Variants in CAST observed in about 807,000 individuals in gnomAD.
CAST encodes calpastatin.
Under a neutral mutation model 119.6 loss-of-function variants are expected in CAST, and 76 were observed. The ratio of observed to expected loss-of-function variants is 0.64; its 90% CI spans 0.53 to 0.77. CAST has a LOEUF of 0.77. Ranked by LOEUF, CAST falls within the 30% of genes least tolerant of loss-of-function variation. CAST has a pLI of 0.00. For missense variants in CAST, 953 were observed against 946.5 expected, an observed-to-expected ratio of 1.01 and a Z score of -0.09; for synonymous variants, 319 against 331.6, an observed-to-expected ratio of 0.96 and a Z score of 0.41.
chr5:96,745,360 G>C (rs1313936243), intron 16 of CAST, among the ~76,000 whole-genome samples: 1 of 152,186 alleles, frequency 6.6e-6, no homozygotes, highest in Non-Finnish European at 1.5e-5. Flanking sequence ...AGTGGGTTTA[G>C]TTACATTTAA....
chr5:96,334,564 G>C, the CAST span, among the ~76,000 whole-genome samples: 4 of 152,162 alleles, frequency 2.6e-5, no homozygotes, highest in Admixed American at 2.0e-4. Context: ...CCCTTTCTCT[G>C]TTCCAGAAAA....
the CAST span, chr5:96,412,204 CT>C: frequency 5.5e-5 from 53 of 961,166 alleles, 3 homozygotes; most frequent in African/African-American, 3.7e-4. Context: ...TTGTAAAGGA[CT>C]TTGTTAAGAA....
the CAST span, among the ~76,000 whole-genome samples, chr5:96,000,999 C>T: frequency 6.6e-6 from 1 of 152,102 alleles, no homozygotes. Context: ...AGTGGATGAA[C>T]ATTGGATTAG....
At position 96,772,630 on chromosome 5, in the gene CAST, A is replaced by C. The variant is rs948764141; in HGVS notation, c.*24-10A>C. 4 of 152,722 alleles carry C rather than the reference A, an allele frequency of 2.6e-5. No homozygotes were observed. Among genetic ancestry groups the C allele is most frequent in the African/African-American group, 9.6e-5 (4 of 41,460 alleles). The allele number at this position is 152,722 out of a possible 1,614,324, so 9.5% of individuals were successfully genotyped here. A position where few individuals can be genotyped will look rare whatever the true frequency, so the allele number is the denominator to read the frequency against. On this transcript the variant is annotated splice_polypyrimidine_tract_variant and intron_variant, in intron 31 of 31. Transcript: ENST00000675179. ...ATGATTCACTGCATTTTTTATTTGAAATTTTTAAGGTATCTGCATGTAAAA... is the reference window on the plus strand; with the variant it reads ...ATGATTCACTGCATTTTTTATTTGACATTTTTAAGGTATCTGCATGTAAAA...
chr5:96,443,100 A>C, the CAST span, among the ~76,000 whole-genome samples: 4 of 152,236 alleles, frequency 2.6e-5, no homozygotes, highest in African/African-American at 4.8e-5. Flanking sequence ...ACTCAATGAA[A>C]ATATGTTTAT....
At chr5:96,671,871 C>A (rs1750122925) in intron 1 of CAST, among the ~76,000 whole-genome samples, 1 of 152,164 alleles carries the variant, frequency 6.6e-6, no homozygotes, top group South Asian at 2.1e-4. Flanking sequence ...ATGTCATTCC[C>A]AAGTATTTCA....
chr5:96,122,636 G>A, the CAST span, among the ~76,000 whole-genome samples: 1 of 152,022 alleles, frequency 6.6e-6, no homozygotes, highest in Non-Finnish European at 1.5e-5. Flanking sequence ...GGGGTAGAAA[G>A]TTTATTCTCA....
the CAST span, among the ~76,000 whole-genome samples, chr5:96,303,477 A>G: frequency 6.6e-6 from 1 of 152,182 alleles, no homozygotes; most frequent in Non-Finnish European, 1.5e-5. Flanking sequence ...TATTTATAGT[A>G]TACTTTAAGT....
the CAST span, among the ~76,000 whole-genome samples, chr5:96,467,873 C>T: frequency 6.6e-6 from 1 of 152,198 alleles, no homozygotes; most frequent in African/African-American, 2.4e-5. Context: ...ATCCAGCAAT[C>T]TCACTACTGG....
At chr5:96,736,007 C>T (rs539742068) in intron 9 of CAST, among the ~76,000 whole-genome samples, 165 bp from the exon 10 acceptor site, 1 of 152,256 alleles carries the variant, frequency 6.6e-6, no homozygotes, top group East Asian at 1.9e-4. Context: ...TAATTAAAGC[C>T]CTTCTGAAAA....
intron 1 of CAST, among the ~76,000 whole-genome samples, chr5:96,599,976 A>AAAAAAAAAAAAAAAC (rs1561426830): frequency 7.5e-5 from 10 of 132,896 alleles, no homozygotes; most frequent in African/African-American, 3.0e-4. Context: ...CAAAAAAAAA[A>AAAAAAAAAAAAAAAC]AAAAAAACCC....
chr5:96,680,093 A>G (rs755414519), intron 2 of CAST, among the ~76,000 whole-genome samples: 2 of 151,628 alleles, frequency 1.3e-5, no homozygotes, highest in Admixed American at 6.6e-5. Flanking sequence ...GCTCATGCCT[A>G]TAATTCCAGC....
At chr5:96,591,441 G>A (rs1050676208) in intron 1 of CAST, among the ~76,000 whole-genome samples, 4 of 152,108 alleles carry the variant, frequency 2.6e-5, no homozygotes, top group African/African-American at 9.7e-5. Flanking sequence ...TTTTTCTTTC[G>A]AGAAGGCATA....
chr5:96,473,004 T>C, the CAST span, among the ~76,000 whole-genome samples: 1 of 152,192 alleles, frequency 6.6e-6, no homozygotes, highest in Non-Finnish European at 1.5e-5. Context: ...TCTGCTCCCA[T>C]AGCCACATGG....
chr5:96,357,916 TTTTTGTACC>T, the CAST span, among the ~76,000 whole-genome samples: 1 of 152,220 alleles, frequency 6.6e-6, no homozygotes, highest in African/African-American at 2.4e-5. Context: ...TACCAGCTCC[TTTTTGTACC>T]TCTGGTAGAA....
At chr5:96,696,056 T>C in intron 3 of CAST, 149 bp downstream of exon 3, 1 of 430,716 alleles carries the variant, frequency 2.3e-6, no homozygotes, top group Non-Finnish European at 4.3e-6. Context: ...AGAGAGAATA[T>C]AATTTCTTAA....
chr5:96,246,716 A>G, the CAST span, among the ~76,000 whole-genome samples: 2 of 151,880 alleles, frequency 1.3e-5, no homozygotes, highest in Non-Finnish European at 2.9e-5. Context: ...TGCCAGCTTC[A>G]CTCCCCAGTA....
the CAST span, among the ~76,000 whole-genome samples, chr5:96,016,930 G>A: frequency 2.7e-5 from 4 of 146,916 alleles, no homozygotes; most frequent in Non-Finnish European, 4.4e-5. Flanking sequence ...TCTGCCTCCT[G>A]GGTTCACACC....
the CAST span, among the ~76,000 whole-genome samples, chr5:96,165,861 A>G: frequency 3.3e-5 from 5 of 152,366 alleles, no homozygotes; most frequent in South Asian, 1.0e-3. Context: ...TGAAAACTGG[A>G]GGAATATTTA....
Sources: gnomAD v4.1 joint callset for allele counts (sites outside exome capture counted in the v4.1 genomes callset) on GRCh38, gnomAD v4.1.1 for gene constraint, MANE v1.5 for transcripts, NCBI Gene and HGNC (gene_info 2026-07-23, HGNC 2026-07-21) for gene names.